Variants in EYA4 observed in about 807,000 individuals in gnomAD.
EYA4 encodes EYA transcriptional coactivator and phosphatase 4.
Under a neutral mutation model 87.9 loss-of-function variants are expected in EYA4, and 31 were observed. The observed-to-expected ratio is 0.35, with a 90% CI of 0.27 to 0.48. The LOEUF (loss-of-function observed/expected upper bound fraction) is 0.48. Among genes scored for constraint, EYA4 ranks in the 20% least tolerant of loss-of-function variants. The probability of loss-of-function intolerance (pLI) is 0.99; values close to 1 mark genes in which losing one functional copy is unlikely to be tolerated. For missense variants in EYA4, 678 were observed against 761.4 expected, an observed-to-expected ratio of 0.89 and a Z score of 1.29; for synonymous variants, 263 against 270.6, an observed-to-expected ratio of 0.97 and a Z score of 0.28.
intron 2 of EYA4, among the ~76,000 whole-genome samples, chr6:133,319,624 G>A (rs1276300303): frequency 6.7e-6 from 1 of 149,974 alleles, no homozygotes; most frequent in Non-Finnish European, 1.5e-5. Flanking sequence ...CTAACCCCAT[G>A]TTCTCGCTTA....
chr6:133,330,310 A>G (rs886658438), intron 2 of EYA4, among the ~76,000 whole-genome samples: 18 of 152,052 alleles, frequency 1.2e-4, no homozygotes, highest in African/African-American at 1.7e-4. Context: ...TTGTATTGCT[A>G]ATTAGCCAAT....
chr6:133,507,038 G>A (rs909237877), intron 14 of EYA4, among the ~76,000 whole-genome samples: 85 of 151,988 alleles, frequency 5.6e-4, no homozygotes, highest in African/African-American at 1.9e-3. Context: ...TTATCTCATA[G>A]TTTCATAATT....
At chr6:133,391,168 G>C (rs1050590001) in intron 3 of EYA4, among the ~76,000 whole-genome samples, 2 of 151,416 alleles carry the variant, frequency 1.3e-5, no homozygotes, top group Non-Finnish European at 1.5e-5. Context: ...TTGTCAGCCA[G>C]TTGAAGCAGA....
At chr6:133,431,840 T>C (rs1010477094) in intron 3 of EYA4, among the ~76,000 whole-genome samples, 2 of 152,202 alleles carry the variant, frequency 1.3e-5, no homozygotes, top group Non-Finnish European at 2.9e-5. Flanking sequence ...TTTAAAAACT[T>C]TTTTGGCAGT....
At chr6:133,406,636 CA>C (rs1362465641) in intron 3 of EYA4, among the ~76,000 whole-genome samples, 3 of 152,152 alleles carry the variant, frequency 2.0e-5, no homozygotes, top group Non-Finnish European at 4.4e-5. Context: ...ACCTAATTGC[CA>C]GCATATTTTA....
intron 1 of EYA4, among the ~76,000 whole-genome samples, chr6:133,268,029 A>G (rs1194747467): frequency 6.6e-6 from 1 of 152,184 alleles, no homozygotes; most frequent in African/African-American, 2.4e-5. Context: ...TTGGGCATTG[A>G]ATATGTATAC....
At chr6:133,438,018 G>A (rs1290323053) in intron 3 of EYA4, among the ~76,000 whole-genome samples, 1 of 151,964 alleles carries the variant, frequency 6.6e-6, no homozygotes, top group Non-Finnish European at 1.5e-5. Flanking sequence ...TAAACCTAAG[G>A]TAAAATTTAT....
chr6:133,422,206 C>T (rs1790278659), intron 3 of EYA4, among the ~76,000 whole-genome samples: 2 of 152,172 alleles, frequency 1.3e-5, no homozygotes, highest in Non-Finnish European at 2.9e-5. Flanking sequence ...TCTCTATACT[C>T]CTCTGAGATA....
chr6:133,386,833 A>T, intron 3 of EYA4, among the ~76,000 whole-genome samples: 1 of 152,302 alleles, frequency 6.6e-6, no homozygotes, highest in Non-Finnish European at 1.5e-5. Context: ...TGTGGTATGT[A>T]TGAGCTAAGA....
chr6:133,517,201 C>A (rs1193818707), intron 17 of EYA4, among the ~76,000 whole-genome samples: 1 of 152,052 alleles, frequency 6.6e-6, no homozygotes, highest in Non-Finnish European at 1.5e-5. Context: ...TAGAGGGGAA[C>A]AACACACACT....
intron 5 of EYA4, among the ~76,000 whole-genome samples, chr6:133,455,964 ATC>A (rs777004168): frequency 2.6e-5 from 4 of 152,128 alleles, no homozygotes; most frequent in Admixed American, 1.3e-4. Context: ...TGTAGAAGTC[ATC>A]TCTTTTTCTA....
rs748998135 is a variant in EYA4 at position 133,393,190 on chromosome 6, C to T, written c.83+10749C>T. Among the ~76,000 whole-genome samples, 8 of 152,180 alleles carry T rather than the reference C, an allele frequency of 5.3e-5. 1 individual carries two copies. In the Middle Eastern group the frequency reaches 0.01, roughly 194 times the overall value. On this transcript the variant is annotated intron_variant, in intron 3 of 19. Coordinates refer to ENST00000355286, the MANE Select transcript of EYA4 (RefSeq NM_004100.5). ...CTCAGTGTGAGTAGAAACATAGAAG[C>T]TTTTGTGGTCCACTTCATGCTTGGC...
chr6:133,466,062 T>C (rs917303020), intron 10 of EYA4, among the ~76,000 whole-genome samples: 2 of 152,100 alleles, frequency 1.3e-5, no homozygotes, highest in African/African-American at 4.8e-5. Flanking sequence ...TGGCTAGGGA[T>C]TGAAGATTCA....
chr6:133,382,931 T>C (rs1037857047), intron 3 of EYA4, among the ~76,000 whole-genome samples: 1 of 152,178 alleles, frequency 6.6e-6, no homozygotes, highest in Non-Finnish European at 1.5e-5. Flanking sequence ...GTGGAAATGA[T>C]GAATTAAAGT....
chr6:133,328,344 G>A (rs80213247), intron 2 of EYA4, among the ~76,000 whole-genome samples: 4,221 of 152,152 alleles, frequency 0.028, 194 homozygotes, highest in African/African-American at 0.096. Context: ...CCATTTGCTA[G>A]CTGTGTGGCT....
chr6:133,394,284 GTTTTTTTTTTTTTTTTTT>G (rs869103311), intron 3 of EYA4, among the ~76,000 whole-genome samples: 6 of 17,906 alleles, frequency 3.4e-4, no homozygotes, highest in African/African-American at 8.9e-4. Context: ...ATAAGCTTGT[GTTTTTTTTTTTTTTTTTT>G]TTTTTTTTTT....
At chr6:133,425,630 A>G (rs944135435) in intron 3 of EYA4, among the ~76,000 whole-genome samples, 4 of 150,718 alleles carry the variant, frequency 2.7e-5, no homozygotes, top group African/African-American at 9.9e-5. Flanking sequence ...ACATTTGATT[A>G]GTTTCCAAGT....
At chr6:133,330,498 C>A (rs2128381704) in intron 2 of EYA4, among the ~76,000 whole-genome samples, 1 of 151,142 alleles carries the variant, frequency 6.6e-6, no homozygotes, top group Middle Eastern at 3.5e-3. Flanking sequence ...TAAAAAATCT[C>A]CTCTACTATT....
intron 13 of EYA4, among the ~76,000 whole-genome samples, chr6:133,496,758 A>G (rs1356998887): frequency 1.3e-5 from 2 of 152,228 alleles, no homozygotes; most frequent in Non-Finnish European, 2.9e-5. Flanking sequence ...CTACACGGTG[A>G]AAACTATCAT....
Sources: allele counts gnomAD v4.1 joint callset (sites outside exome capture counted in the v4.1 genomes callset), GRCh38; gene constraint gnomAD v4.1.1; transcripts MANE v1.5; gene names NCBI Gene and HGNC (gene_info 2026-07-23, HGNC 2026-07-21).